The following NAT14 variants were observed in gnomAD, a reference collection of about 807,000 sequenced individuals.
NAT14 encodes N-acetyltransferase 14 (putative), also known as probable N-acetyltransferase 14.
A neutral mutation model predicts 12.1 loss-of-function variants in NAT14; 14 were observed. The ratio of observed to expected loss-of-function variants is 1.16; its 90% CI spans 0.76 to 1.81. The LOEUF is 1.81. Ranked by LOEUF, NAT14 falls within the 40% of genes most tolerant of loss-of-function variation. The probability of loss-of-function intolerance (pLI) is 0.00; values close to 1 mark genes in which losing one functional copy is unlikely to be tolerated. For missense variants in NAT14, 341 were observed against 304.3 expected, an observed-to-expected ratio of 1.12 and a Z score of -0.90; for synonymous variants, 156 against 145.1, an observed-to-expected ratio of 1.08 and a Z score of -0.54.
In NAT14 at chr19:55,487,148, T is replaced by A; in HGVS notation, c.*192T>A. On this transcript the variant is annotated 3_prime_UTR_variant, in exon 3 of 3. Coordinates refer to ENST00000205194, the MANE Select transcript of NAT14 (RefSeq NM_020378.4). Reference sequence around the variant, plus strand: ...CGTCAGCAGTGTGAAGTCTGTTGTGTTTGAGCTTCTCAGAGTGGAATGACT... The same window carrying A: ...CGTCAGCAGTGTGAAGTCTGTTGTGATTGAGCTTCTCAGAGTGGAATGACT... 3.6e-6 allele frequency: 3 copies of A among 844,380 alleles called. No homozygotes were observed. Among genetic ancestry groups the A allele is most frequent in the Non-Finnish European group, 5.2e-6 (3 of 582,392 alleles). The allele number at this position is 844,380 out of a possible 1,614,324, so 52.3% of individuals were successfully genotyped here.
At chr19:55,486,258 C>A in intron 2 of NAT14, 150 bp from the exon 3 acceptor site, 1 of 1,068,680 alleles carries the variant, frequency 9.4e-7, no homozygotes, top group Non-Finnish European at 1.3e-6. Context: ...TCATTCACTC[C>A]ATACCCAGTG....
chr19:55,486,741 C>G lies in NAT14; in HGVS notation c.406C>G (p.Arg136Gly), dbSNP rs943554643. The G allele has an allele frequency of 2.1e-6, 3 of 1,413,934 alleles. No individual in the cohort carries two copies. In the African/African-American group the frequency reaches 4.6e-5, roughly 22 times the overall value. The allele number at this position is 1,413,934 out of a possible 1,614,324, so 87.6% of individuals were successfully genotyped here. A position where few individuals can be genotyped will look rare whatever the true frequency, so the allele number is the denominator to read the frequency against. The change falls in exon 3 of 3, where the codon CGC becomes GGC. Residue 136 changes from arginine (R) to glycine (G), a missense_variant. By Grantham distance (125) the Arg-to-Gly change is moderately radical (BLOSUM62 -2). Transcript: ENST00000205194. ...TRLSVSRWHRRRGVGRRLLAF... is the reference protein window; with the variant it reads ...TRLSVSRWHRGRGVGRRLLAF... ...CCTGTCTGTCTCTCGCTGGCACCGC[C>G]GCCGGGGCGTGGGCAGGAGGCTGCT... is the stretch of plus-strand genomic sequence containing the variant.
chr19:55,486,243 T>C lies in NAT14; in HGVS notation c.73-165T>C, dbSNP rs997641721. On this transcript the variant is annotated intron_variant, in intron 2 of 2. Coordinates refer to ENST00000205194, the MANE Select transcript of NAT14 (RefSeq NM_020378.4). ...CTCATCCATCCATCATTCGCTCTCG[T>C]TCATTCATTCACTCCATACCCAGTG... The C allele has an allele frequency of 1.5e-5, 14 of 925,288 alleles. No individual in the cohort carries two copies. In the African/African-American group the frequency reaches 2.0e-4, roughly 13 times the overall value. 57.3% of individuals were successfully genotyped at this position (925,288 alleles called of 1,614,324 possible).
rs1986942868 is a variant in NAT14, at chr19:55,486,964, G to T, written c.*8G>T. On this transcript the variant is annotated 3_prime_UTR_variant, in exon 3 of 3. Coordinates refer to ENST00000205194, the MANE Select transcript of NAT14 (RefSeq NM_020378.4). ...TTCAGCAAAGACCTGTGAAGCTACAGACTGACAGCCAGGGCAGGGGAGGAG... is the reference window on the plus strand; with the variant it reads ...TTCAGCAAAGACCTGTGAAGCTACATACTGACAGCCAGGGCAGGGGAGGAG... 6.5e-7 allele frequency: 1 copy of T among 1,548,530 alleles called. No homozygotes were observed. Among genetic ancestry groups the T allele is most frequent in the East Asian group, 2.4e-5 (1 of 41,530 alleles).
chr19:55,485,794 GC>G lies in NAT14; in HGVS notation c.72+18del. 1 of 1,539,290 alleles carries G rather than the reference GC, an allele frequency of 6.5e-7. No homozygotes were observed. The highest frequency in any genetic ancestry group is 8.8e-7 in the Non-Finnish European group (1 of 1,136,394). On this transcript the variant is annotated intron_variant, in intron 2 of 2. Transcript: ENST00000205194. The stretch of plus-strand genomic sequence containing the variant: ...GAGATGCTGAAGGTGAGAGGCAGGG[GC>G]CCCAGGGGGCCTGGGAGTGGCTGCA...
Position 55,486,392 on chromosome 19 carries a change from C to T in NAT14, c.73-16C>T. ...CCTAGCGTTTCGGATGGCTGAGCCA[C>T]CCCTCCTGCCCACAGGCCGGCGTGA... is the stretch of plus-strand genomic sequence containing the variant. On this transcript the variant is annotated splice_polypyrimidine_tract_variant and intron_variant, in intron 2 of 2. Coordinates refer to ENST00000205194, the MANE Select transcript of NAT14 (RefSeq NM_020378.4). 3 of 1,433,010 alleles carry T rather than the reference C, an allele frequency of 2.1e-6. No individual in the cohort carries two copies. Among genetic ancestry groups the T allele is most frequent in the Non-Finnish European group, 2.7e-6 (3 of 1,099,048 alleles). 88.8% of individuals were successfully genotyped at this position (1,433,010 alleles called of 1,614,324 possible).
At chr19:55,486,282 A>G in intron 2 of NAT14, 126 bp from the exon 3 acceptor site, 1 of 1,289,372 alleles carries the variant, frequency 7.8e-7, no homozygotes, top group Non-Finnish European at 1.0e-6. Flanking sequence ...CACACTGAAC[A>G]TCGGACTGTG....
Position 55,486,628 on chromosome 19 carries a change from G to C in NAT14, c.293G>C (p.Trp98Ser). 3 of 1,527,794 alleles carry C rather than the reference G, an allele frequency of 2.0e-6. No homozygotes were observed. Among genetic ancestry groups the C allele is most frequent in the Non-Finnish European group, 1.7e-6 (2 of 1,148,018 alleles). 94.6% of individuals were successfully genotyped at this position (1,527,794 alleles called of 1,614,324 possible). The change falls in exon 3 of 3, where the codon TGG (tryptophan) becomes TCG (serine). Residue 98 changes from tryptophan (W) to serine (S), a missense_variant. Coordinates refer to ENST00000205194, the MANE Select transcript of NAT14 (RefSeq NM_020378.4). ...LPPPGGLGGPWVAVRGSGDVC... is the reference protein window; with the variant it reads ...LPPPGGLGGPSVAVRGSGDVC... ...CCGCCGGGTGGCCTGGGGGGCCCCTGGGTGGCCGTGCGGGGCTCCGGTGAC... is the reference window on the plus strand; with the variant it reads ...CCGCCGGGTGGCCTGGGGGGCCCCTCGGTGGCCGTGCGGGGCTCCGGTGAC...
In NAT14 at chr19:55,486,676, C is replaced by T. The variant is rs747313492; in HGVS notation, c.341C>T (p.Ala114Val). The T allele has an allele frequency of 4.8e-5, 70 of 1,449,288 alleles. No individual in the cohort carries two copies. The highest frequency in any genetic ancestry group is 8.5e-5 in the South Asian group (6 of 70,392). The allele number at this position is 1,449,288 out of a possible 1,614,324, so 89.8% of individuals were successfully genotyped here. A position where few individuals can be genotyped will look rare whatever the true frequency, so the allele number is the denominator to read the frequency against. Reference sequence around the variant, plus strand: ...GACGTGTGTGGGGTCCTGGCTCTGGCCCCTGGCACAAATGCAGGGGACGGG... The same window carrying T: ...GACGTGTGTGGGGTCCTGGCTCTGGTCCCTGGCACAAATGCAGGGGACGGG... The part of the protein sequence containing the change: ...SGDVCGVLAL[A>V]PGTNAGDGAR... Residue 114 changes from alanine to valine, a missense_variant, in exon 3 of 3, where the codon GCC becomes GTC. Coordinates refer to ENST00000205194, the MANE Select transcript of NAT14 (RefSeq NM_020378.4).
Position 55,486,533 on chromosome 19 carries a change from C to T in NAT14, c.198C>T (p.Leu66=). 9 of 1,589,060 alleles carry T rather than the reference C, an allele frequency of 5.7e-6. No homozygotes were observed. The highest frequency in any genetic ancestry group is 7.7e-6 in the Non-Finnish European group (9 of 1,174,874). Residue 66 remains leucine, a synonymous_variant, in exon 3 of 3, where the codon CTC becomes CTT. Transcript: ENST00000205194. ...RFVLASFALA[L]LLPVFLAVAA... ...TCCTGGCTTCCTTCGCCCTGGCCCTCCTCCTGCCGGTGTTCCTGGCTGTGG... is the reference window on the plus strand; with the variant it reads ...TCCTGGCTTCCTTCGCCCTGGCCCTTCTCCTGCCGGTGTTCCTGGCTGTGG...
intron 2 of NAT14, 63 bp from the exon 3 acceptor site, chr19:55,486,345 C>T (rs1986910878): frequency 1.4e-6 from 2 of 1,396,196 alleles, no homozygotes; most frequent in South Asian, 3.2e-5. Flanking sequence ...CAGGGTCTAC[C>T]TCCTCTCTTT....
In NAT14 at chr19:55,486,438, G is replaced by T; in HGVS notation, c.103G>T (p.Ala35Ser). Residue 35 changes from alanine (A) to serine (S), a missense_variant, in exon 3 of 3, where the codon GCC (alanine) becomes TCC (serine). Physicochemically the swap from Ala to Ser is moderately conservative, Grantham distance 99. Transcript: ENST00000205194. Reference protein sequence around the residue: ...AGVKDTENRVALHALTRPPAL... With the variant: ...AGVKDTENRVSLHALTRPPAL... The stretch of plus-strand genomic sequence containing the variant: ...CGTGAAGGACACGGAAAACCGCGTG[G>T]CCCTCCATGCCTTGACACGGCCGCC... 4 of 1,514,214 alleles carry T rather than the reference G, an allele frequency of 2.6e-6. No individual in the cohort carries two copies. Among genetic ancestry groups the T allele is most frequent in the Non-Finnish European group, 1.8e-6 (2 of 1,142,028 alleles). The allele number at this position is 1,514,214 out of a possible 1,614,324, so 93.8% of individuals were successfully genotyped here. A position where few individuals can be genotyped will look rare whatever the true frequency, so the allele number is the denominator to read the frequency against.
chr19:55,486,558 G>T lies in NAT14; in HGVS notation c.223G>T (p.Ala75Ser). 1.9e-6 allele frequency: 3 copies of T among 1,586,910 alleles called. No homozygotes were observed. Among genetic ancestry groups the T allele is most frequent in the Non-Finnish European group, 2.6e-6 (3 of 1,174,558 alleles). Residue 75 changes from alanine (A) to serine (S), a missense_variant, in exon 3 of 3, where the codon GCC becomes TCC. By Grantham distance (99) the Ala-to-Ser change is moderately conservative. Transcript: ENST00000205194. Reference sequence around the variant, plus strand: ...CCTCCTGCCGGTGTTCCTGGCTGTGGCCGCCGTGAAGCTGGGCCTGCGGGC... The same window carrying T: ...CCTCCTGCCGGTGTTCCTGGCTGTGTCCGCCGTGAAGCTGGGCCTGCGGGC... ...ALLLPVFLAV[A>S]AVKLGLRARW...
intron 1 of NAT14, 105 bp from the exon 2 acceptor site, chr19:55,485,556 C>T: frequency 1.6e-6 from 1 of 624,376 alleles, no homozygotes; most frequent in East Asian, 2.8e-5. Flanking sequence ...CCCGAGGGTT[C>T]TCAGTGTCCT....
Position 55,486,418 on chromosome 19 carries a change from A to T in NAT14, c.83A>T (p.Lys28Met). The change falls in exon 3 of 3, where the codon AAG (lysine) becomes ATG (methionine). Residue 28 changes from lysine to methionine, a missense_variant. Transcript: ENST00000205194. The part of the protein sequence containing the change: ...LVLEMLKAGV[K>M]DTENRVALHA... ...CCCTCCTGCCCACAGGCCGGCGTGA[A>T]GGACACGGAAAACCGCGTGGCCCTC... is the stretch of plus-strand genomic sequence containing the variant. The T allele has an allele frequency of 6.8e-7, 1 of 1,475,974 alleles. No individual in the cohort carries two copies. The highest frequency in any genetic ancestry group is 8.9e-7 in the Non-Finnish European group (1 of 1,121,154). 91.4% of individuals were successfully genotyped at this position (1,475,974 alleles called of 1,614,324 possible).
Position 55,487,094 on chromosome 19 carries a change from C to T in NAT14, c.*138C>T, listed in dbSNP as rs564171027. The T allele has an allele frequency of 8.3e-6, 11 of 1,326,830 alleles. No individual in the cohort carries two copies. Among genetic ancestry groups the T allele is most frequent in the East Asian group, 2.9e-5 (1 of 34,064 alleles). The allele number at this position is 1,326,830 out of a possible 1,614,324, so 82.2% of individuals were successfully genotyped here. A position where few individuals can be genotyped will look rare whatever the true frequency, so the allele number is the denominator to read the frequency against. ...CCTGGGCCCAGAAACAGAGGCCTGC[C>T]GAGGGGAGGAGCCTGGCCTCTGTCC... On this transcript the variant is annotated 3_prime_UTR_variant, in exon 3 of 3. Transcript: ENST00000205194.
Position 55,486,580 on chromosome 19 carries a change from G to C in NAT14, c.245G>C (p.Arg82Pro). ...GTGGCCGCCGTGAAGCTGGGCCTGC[G>C]GGCCCGATGGGGCTCGCTGCCTCCG... ...LAVAAVKLGL[R>P]ARWGSLPPPG... The change falls in exon 3 of 3, where the codon CGG becomes CCG. Residue 82 changes from arginine to proline, a missense_variant. Coordinates refer to ENST00000205194, the MANE Select transcript of NAT14 (RefSeq NM_020378.4). 1 of 1,574,444 alleles carries C rather than the reference G, an allele frequency of 6.4e-7. No individual in the cohort carries two copies. Among genetic ancestry groups the C allele is most frequent in the Non-Finnish European group, 8.6e-7 (1 of 1,169,474 alleles).
rs1986909708 is a variant in NAT14, at chr19:55,486,297, C to T, written c.73-111C>T. 4.4e-6 allele frequency: 6 copies of T among 1,358,358 alleles called. No individual in the cohort carries two copies. In the South Asian group the frequency reaches 5.1e-5, roughly 11 times the overall value. 84.1% of individuals were successfully genotyped at this position (1,358,358 alleles called of 1,614,324 possible). A position where few individuals can be genotyped will look rare whatever the true frequency, so the allele number is the denominator to read the frequency against. On this transcript the variant is annotated intron_variant, in intron 2 of 2. Coordinates refer to ENST00000205194, the MANE Select transcript of NAT14 (RefSeq NM_020378.4). ...CACACTGAACATCGGACTGTGCTGC[C>T]TTCCCTTCCCATTTGGGAGCTCTCA...
Position 55,485,814 on chromosome 19 carries a change from G to A in NAT14, c.72+34G>A, listed in dbSNP as rs187720995. On this transcript the variant is annotated intron_variant, in intron 2 of 2. Transcript: ENST00000205194. Reference sequence around the variant, plus strand: ...CAGGGGCCCCAGGGGGCCTGGGAGTGGCTGCAGTGGGGGAATTGCAAGTGG... The same window carrying A: ...CAGGGGCCCCAGGGGGCCTGGGAGTAGCTGCAGTGGGGGAATTGCAAGTGG... The A allele has an allele frequency of 1.4e-4, 208 of 1,463,230 alleles. 1 individual carries two copies. The African/African-American group carries it at 2.7e-3, about 19-fold the overall frequency. The allele number at this position is 1,463,230 out of a possible 1,614,324, so 90.6% of individuals were successfully genotyped here. A position where few individuals can be genotyped will look rare whatever the true frequency, so the allele number is the denominator to read the frequency against.
Sources: allele counts gnomAD v4.1 joint callset, GRCh38; gene constraint gnomAD v4.1.1; transcripts MANE v1.5; gene names NCBI Gene and HGNC (gene_info 2026-07-23, HGNC 2026-07-21).